The following MICAL2 variants were observed in gnomAD, a reference collection of about 807,000 sequenced individuals.
MICAL2 encodes [F-actin]-monooxygenase MICAL2.
A neutral mutation model predicts 127.3 loss-of-function variants in MICAL2; 77 were observed. The observed-to-expected ratio is 0.60, with a 90% confidence interval of 0.50 to 0.73. The LOEUF (loss-of-function observed/expected upper bound fraction) is 0.73, where lower values mean the gene tolerates loss of function less well. Ranked by LOEUF, MICAL2 falls within the 30% of genes least tolerant of loss-of-function variation. MICAL2 has a pLI of 0.00. For synonymous variants in MICAL2, 570 were observed against 551.1 expected (o/e 1.03, Z -0.48); for missense variants, 1,351 against 1,434.4 (o/e 0.94, Z 0.94).
chr11:12,242,816 C>T lies in MICAL2; in HGVS notation c.2658+44C>T, dbSNP rs767464954. On this transcript the variant is annotated intron_variant, in intron 20 of 27. Coordinates refer to ENST00000683283, the MANE Select transcript of MICAL2 (RefSeq NM_001282663.2). ...GAGCCCCCAGGAACCTGATGCTGGA[C>T]ATCCAGCCAGGTGACCTTGAATCAG... 8.3e-6 allele frequency: 12 copies of T among 1,440,100 alleles called. No individual in the cohort carries two copies. The South Asian group carries it at 1.3e-4, about 15-fold the overall frequency. 89.2% of individuals were successfully genotyped at this position (1,440,100 alleles called of 1,614,324 possible).
At chr11:12,293,117 T>C (rs1329531353), downstream of MICAL2, among the ~76,000 whole-genome samples, 1 of 152,212 alleles carries the variant, frequency 6.6e-6, no homozygotes, top group Non-Finnish European at 1.5e-5. Flanking sequence ...TTCTTGGTTG[T>C]TGGAGGAACA....
At chr11:12,307,632 A>G (rs924985828) in intron 29 of MICAL2, among the ~76,000 whole-genome samples, 4 of 152,190 alleles carry the variant, frequency 2.6e-5, no homozygotes, top group African/African-American at 9.7e-5. Context: ...TTAATTTTTT[A>G]TAGTGAATGT....
At chr11:12,259,700 T>G in intron 25 of MICAL2, 95 bp from the exon 26 acceptor site, 4 of 1,127,346 alleles carry the variant, frequency 3.5e-6, no homozygotes, top group South Asian at 3.5e-5. Flanking sequence ...GGTTGCAGGG[T>G]CTGGCGAGTT....
chr11:12,150,978 G>T (rs191980933), intron 2 of MICAL2, among the ~76,000 whole-genome samples: 1 of 152,112 alleles, frequency 6.6e-6, no homozygotes, highest in Non-Finnish European at 1.5e-5. Flanking sequence ...TGGGCTCAGC[G>T]CTGTGAGAGG....
At chr11:12,314,238 T>C (rs115119125) in intron 29 of MICAL2, among the ~76,000 whole-genome samples, 231 of 152,114 alleles carry the variant, frequency 1.5e-3, no homozygotes, top group African/African-American at 5.1e-3. Flanking sequence ...CTCATCTGAC[T>C]TGTTCATTTT....
chr11:12,153,945 A>G (rs1173581168), intron 2 of MICAL2, among the ~76,000 whole-genome samples: 1 of 152,246 alleles, frequency 6.6e-6, no homozygotes, highest in African/African-American at 2.4e-5. Context: ...GATGTACGTT[A>G]CTTTGTCAAC....
Position 12,204,235 on chromosome 11 carries a change from C to T in MICAL2, c.265-15C>T. On this transcript the variant is annotated splice_polypyrimidine_tract_variant and intron_variant, in intron 3 of 27. Transcript: ENST00000683283. ...AGAGGTTACCAAGAGTCTCTCTCCT[C>T]TCTCACCTCTGCAGTGTCTCATAGT... 6 of 1,612,418 alleles carry T rather than the reference C, an allele frequency of 3.7e-6. No individual in the cohort carries two copies. The highest frequency in any genetic ancestry group is 4.2e-6 in the Non-Finnish European group (5 of 1,178,588).
At chr11:12,285,412 G>A (rs1265030176) in intron 2 of MICAL2, among the ~76,000 whole-genome samples, 1 of 152,184 alleles carries the variant, frequency 6.6e-6, no homozygotes, top group East Asian at 1.9e-4. Flanking sequence ...TGCAAAGGCA[G>A]TCTTGTCCCC....
At chr11:12,279,453 G>C (rs1394756254) in intron 1 of MICAL2, among the ~76,000 whole-genome samples, 1 of 152,162 alleles carries the variant, frequency 6.6e-6, no homozygotes, top group African/African-American at 2.4e-5. Context: ...GATTCATTCT[G>C]ATGCCCAGAG....
At position 12,259,799 on chromosome 11, in the gene MICAL2, A is replaced by G; in HGVS notation, c.3236A>G (p.Glu1079Gly). The G allele has an allele frequency of 6.5e-7, 1 of 1,539,202 alleles. No individual in the cohort carries two copies. The highest frequency in any genetic ancestry group is 8.8e-7 in the Non-Finnish European group (1 of 1,140,900). Reference protein sequence around the residue: ...RAELKQQREEEATWQEQEAPR... With the variant: ...RAELKQQREEGATWQEQEAPR... ...TCATTTCCATCTCTTTCTCAGGAGG[A>G]GGCAACATGGCAAGAGCAGGAAGCC... Residue 1079 changes from glutamate (E) to glycine (G), a missense_variant, in exon 26 of 28, where the codon GAG becomes GGG. Physicochemically the swap from Glu to Gly is moderately conservative, Grantham distance 98. This residue lies in a region of MICAL2 where 752 missense variants were observed against 719.4 expected (regional missense o/e 1.05). Coordinates refer to ENST00000683283, the MANE Select transcript of MICAL2 (RefSeq NM_001282663.2).
intron 17 of MICAL2, among the ~76,000 whole-genome samples, chr11:12,240,479 C>G (rs1334341821): frequency 6.6e-6 from 1 of 152,194 alleles, no homozygotes; most frequent in Non-Finnish European, 1.5e-5. Context: ...GACTGTGTCC[C>G]TCCTGGGAGA....
chr11:12,295,427 G>A (rs113650264), downstream of MICAL2, among the ~76,000 whole-genome samples: 5,506 of 142,648 alleles, frequency 0.039, 182 homozygotes, highest in Admixed American at 0.11. Context: ...GGCATGAGCC[G>A]CCATGCTCAG....
intron 1 of MICAL2, among the ~76,000 whole-genome samples, chr11:12,128,599 G>A (rs531948296): frequency 5.3e-5 from 8 of 152,334 alleles, no homozygotes; most frequent in African/African-American, 1.7e-4. Flanking sequence ...AGGACAGATC[G>A]GGGCAGTGTG....
intron 33 of MICAL2, among the ~76,000 whole-genome samples, chr11:12,352,455 C>T (rs184465227): frequency 1.2e-4 from 18 of 152,340 alleles, no homozygotes; most frequent in Non-Finnish European, 1.9e-4. Context: ...CAGGGAGGCA[C>T]GGCTGCTGCC....
intron 1 of MICAL2, among the ~76,000 whole-genome samples, chr11:12,126,968 G>A (rs1034110550): frequency 6.6e-6 from 1 of 152,166 alleles, no homozygotes; most frequent in Non-Finnish European, 1.5e-5. Flanking sequence ...TAAGAAGAGA[G>A]CATCTCTAGT....
chr11:12,143,178 G>T (rs1590055312), intron 2 of MICAL2, among the ~76,000 whole-genome samples: 1 of 152,214 alleles, frequency 6.6e-6, no homozygotes, highest in Non-Finnish European at 1.5e-5. Context: ...ATGATCAGGA[G>T]GTTGCCAGGC....
At chr11:12,117,454 C>T (rs1244492049) in intron 1 of MICAL2, among the ~76,000 whole-genome samples, 2 of 152,236 alleles carry the variant, frequency 1.3e-5, no homozygotes, top group African/African-American at 2.4e-5. Flanking sequence ...CTTCTTTGTT[C>T]CCACGACTCT....
chr11:12,195,766 T>C (rs1165397411), intron 3 of MICAL2, among the ~76,000 whole-genome samples: 1 of 151,778 alleles, frequency 6.6e-6, no homozygotes, highest in Non-Finnish European at 1.5e-5. Context: ...AAGAGTGTTC[T>C]AGACAGAAGA....
At chr11:12,114,162 G>T (rs1849816745) in intron 1 of MICAL2, among the ~76,000 whole-genome samples, 1 of 152,098 alleles carries the variant, frequency 6.6e-6, no homozygotes, top group Non-Finnish European at 1.5e-5. Flanking sequence ...TGCCTGGTTG[G>T]CTTCCTCTCT....
Sources: allele counts gnomAD v4.1 joint callset (sites outside exome capture counted in the v4.1 genomes callset), GRCh38; gene constraint gnomAD v4.1.1; regional missense constraint gnomAD v4.1.1; transcripts MANE v1.5; gene names NCBI Gene and HGNC (gene_info 2026-07-23, HGNC 2026-07-21).